The following KCNQ1 variants were observed in gnomAD, a reference collection of about 807,000 sequenced individuals.
The protein encoded by KCNQ1 is potassium voltage-gated channel subfamily Q member 1.
Under a neutral mutation model 72.4 loss-of-function variants are expected in KCNQ1, and 49 were observed. That is an observed-to-expected ratio of 0.68 (90% CI 0.54 to 0.86). KCNQ1 has a LOEUF of 0.86. KCNQ1 is among the 40% of genes least tolerant of loss of function. The probability of loss-of-function intolerance (pLI) is 0.00; values close to 1 mark genes in which losing one functional copy is unlikely to be tolerated. For synonymous variants in KCNQ1, 450 were observed against 412.6 expected, an observed-to-expected ratio of 1.09 and a Z score of -1.10; for missense variants, 790 against 945.1, an observed-to-expected ratio of 0.84 and a Z score of 2.15.
rs2133811956 is a variant in KCNQ1 at position 2,627,658 on chromosome 11, T to C, written c.1394-34303T>C. ...TGCTTTTTAAAGGATGAATATTTCATTGTGTGTGTGTATATATGTGTGTGT... is the reference window on the plus strand; with the variant it reads ...TGCTTTTTAAAGGATGAATATTTCACTGTGTGTGTGTATATATGTGTGTGT... On this transcript the variant is annotated intron_variant, in intron 10 of 15. Coordinates refer to ENST00000155840, the MANE Select transcript of KCNQ1 (RefSeq NM_000218.3). This position sits in a 1 kb window ranked among gnomAD's most constrained non-coding sequence, Gnocchi z 4.9. 1 of 398,488 alleles carries C rather than the reference T, an allele frequency of 2.5e-6. No homozygotes were observed. 24.7% of individuals were successfully genotyped at this position (398,488 alleles called of 1,614,324 possible).
chr11:2,738,216 T>TG (rs140908874), intron 11 of KCNQ1, among the ~76,000 whole-genome samples: 219 of 107,962 alleles, frequency 2.0e-3, no homozygotes, highest in African/African-American at 7.7e-3. Context: ...CTGTGGAGTG[T>TG]GGGGGCACAG....
Position 2,481,707 on chromosome 11 carries a change from A to G in KCNQ1, c.386+36223A>G, listed in dbSNP as rs548704236. ...AGGGGTGTGTACCCTGTTGCAAACTATGCATGTGAGGGATCTAGGTTGCCT... is the reference window on the plus strand; with the variant it reads ...AGGGGTGTGTACCCTGTTGCAAACTGTGCATGTGAGGGATCTAGGTTGCCT... On this transcript the variant is annotated intron_variant, in intron 1 of 15. Transcript: ENST00000155840. The surrounding 1 kb of genome is among the most constrained non-coding windows in gnomAD (Gnocchi z 4.6). 6.6e-6 allele frequency among the ~76,000 whole-genome samples: 1 copy of G among 152,230 alleles called. No homozygotes were observed. Among genetic ancestry groups the G allele is most frequent in the Non-Finnish European group, 1.5e-5 (1 of 68,050 alleles).
At chr11:2,606,376 G>A (rs910190921) in intron 10 of KCNQ1, among the ~76,000 whole-genome samples, 7 of 152,128 alleles carry the variant, frequency 4.6e-5, no homozygotes, top group Non-Finnish European at 1.0e-4. Context: ...CTGGTGGGGG[G>A]TGTCTGGATC....
In KCNQ1 at chr11:2,748,912, G is replaced by T. The variant is rs537850333; in HGVS notation, c.1515-19932G>T. ...CAGAGTGCCCTCTTCCCCTCTTTGCGGTTGTCACCCTGTCCTTGAGTCTAA... is the reference window on the plus strand; with the variant it reads ...CAGAGTGCCCTCTTCCCCTCTTTGCTGTTGTCACCCTGTCCTTGAGTCTAA... On this transcript the variant is annotated intron_variant, in intron 11 of 15. Coordinates refer to ENST00000155840, the MANE Select transcript of KCNQ1 (RefSeq NM_000218.3). This position sits in a 1 kb window ranked among gnomAD's most constrained non-coding sequence, Gnocchi z 6.2. 6.6e-5 allele frequency among the ~76,000 whole-genome samples: 10 copies of T among 152,344 alleles called. No individual in the cohort carries two copies. The East Asian group carries it at 1.7e-3, about 26-fold the overall frequency.
intron 11 of KCNQ1, among the ~76,000 whole-genome samples, chr11:2,701,541 G>T (rs1850815353): frequency 6.6e-6 from 1 of 152,212 alleles, no homozygotes; most frequent in African/African-American, 2.4e-5. Flanking sequence ...GTGCACCCCA[G>T]ACTCAGGGTT....
chr11:2,809,541 G>C lies in KCNQ1; in HGVS notation c.1794+31504G>C, dbSNP rs760973717. On this transcript the variant is annotated intron_variant, in intron 15 of 15. Transcript: ENST00000155840. The surrounding 1 kb of genome is among the most constrained non-coding windows in gnomAD (Gnocchi z 7.1). ...GGTGCTGTGTATGAAGGTGGCAACA[G>C]ACTCCCCATAGTCCTCTCACCACAG... Among the ~76,000 whole-genome samples, 8 of 152,128 alleles carry C rather than the reference G, an allele frequency of 5.3e-5. No individual in the cohort carries two copies. The highest frequency in any genetic ancestry group is 1.3e-4 in the Admixed American group (2 of 15,286).
In KCNQ1 at chr11:2,620,197, A is replaced by G. The variant is rs1429151815; in HGVS notation, c.1393+31343A>G. 1 of 331,378 alleles carries G rather than the reference A, an allele frequency of 3.0e-6. No individual in the cohort carries two copies. The highest frequency in any genetic ancestry group is 5.1e-6 in the Non-Finnish European group (1 of 196,848). The allele number at this position is 331,378 out of a possible 1,614,324, so 20.5% of individuals were successfully genotyped here. A position where few individuals can be genotyped will look rare whatever the true frequency, so the allele number is the denominator to read the frequency against. Reference sequence around the variant, plus strand: ...TGCTGCAAAGGACGTAAGTTCATTCATGTATATATATATATTTTTTTTTTT... The same window carrying G: ...TGCTGCAAAGGACGTAAGTTCATTCGTGTATATATATATATTTTTTTTTTT... On this transcript the variant is annotated intron_variant, in intron 10 of 15. Coordinates refer to ENST00000155840, the MANE Select transcript of KCNQ1 (RefSeq NM_000218.3). This position sits in a 1 kb window ranked among gnomAD's most constrained non-coding sequence, Gnocchi z 4.5.
chr11:2,611,551 A>G lies in KCNQ1; in HGVS notation c.1393+22697A>G. 2 of 398,392 alleles carry G rather than the reference A, an allele frequency of 5.0e-6. No individual in the cohort carries two copies. The highest frequency in any genetic ancestry group is 8.8e-6 in the Non-Finnish European group (2 of 226,030). 24.7% of individuals were successfully genotyped at this position (398,392 alleles called of 1,614,324 possible). A position where few individuals can be genotyped will look rare whatever the true frequency, so the allele number is the denominator to read the frequency against. ...TTAGTACAGTCACTCTAGCTTTCTTATTACTGTTTGCATGTCATCTTTTTC... is the reference window on the plus strand; with the variant it reads ...TTAGTACAGTCACTCTAGCTTTCTTGTTACTGTTTGCATGTCATCTTTTTC... On this transcript the variant is annotated intron_variant, in intron 10 of 15. Coordinates refer to ENST00000155840, the MANE Select transcript of KCNQ1 (RefSeq NM_000218.3). This position sits in a 1 kb window ranked among gnomAD's most constrained non-coding sequence, Gnocchi z 5.3.
intron 11 of KCNQ1, chr11:2,686,022 T>C: frequency 2.5e-6 from 1 of 399,114 alleles, no homozygotes; most frequent in Admixed American, 4.4e-5. Context: ...GGGCTCACTC[T>C]AAGCCCCGCC....
intron 15 of KCNQ1, among the ~76,000 whole-genome samples, chr11:2,843,028 G>A (rs533257296): frequency 1.3e-5 from 2 of 152,368 alleles, no homozygotes; most frequent in East Asian, 1.9e-4. Context: ...GCACGCTCCC[G>A]TGAGGAGGTG....
At chr11:2,571,521 A>C in intron 4 of KCNQ1, 118 bp downstream of exon 4, 1 of 828,962 alleles carries the variant, frequency 1.2e-6, no homozygotes, top group Non-Finnish European at 2.0e-6. Context: ...CTTGGTGCCC[A>C]CTGCCCCCGG....
chr11:2,624,222 G>C lies in KCNQ1; in HGVS notation c.1393+35368G>C. ...AGTTGCCATCTGTATATCTTCATTG[G>C]TGAGATGTCTGTTAAGGTCTTCAGT... On this transcript the variant is annotated intron_variant, in intron 10 of 15. Transcript: ENST00000155840. The surrounding 1 kb of genome is among the most constrained non-coding windows in gnomAD (Gnocchi z 4.9). 2.5e-6 allele frequency: 1 copy of C among 398,508 alleles called. No homozygotes were observed. Among genetic ancestry groups the C allele is most frequent in the Non-Finnish European group, 4.4e-6 (1 of 226,050 alleles). The allele number at this position is 398,508 out of a possible 1,614,324, so 24.7% of individuals were successfully genotyped here.
At chr11:2,568,034 C>T (rs1239612889) in intron 2 of KCNQ1, among the ~76,000 whole-genome samples, 3 of 151,992 alleles carry the variant, frequency 2.0e-5, no homozygotes, top group South Asian at 2.1e-4. Flanking sequence ...TTTGGGAGGC[C>T]GAAGCAGGCA....
In KCNQ1 at chr11:2,463,865, C is replaced by T. The variant is rs140508841; in HGVS notation, c.386+18381C>T. ...CTGTAGGTGCTTGTGTAGATGCCCC[C>T]GTGCGGGGACTTGTTTGGCTGATGG... is the stretch of plus-strand genomic sequence containing the variant. On this transcript the variant is annotated intron_variant, in intron 1 of 15. Transcript: ENST00000155840. The surrounding 1 kb of genome is among the most constrained non-coding windows in gnomAD (Gnocchi z 7.0). Among the ~76,000 whole-genome samples, 984 of 151,922 alleles carry T rather than the reference C, an allele frequency of 6.5e-3. 17 individuals carry two copies. Among genetic ancestry groups the T allele is most frequent in the African/African-American group, 0.023 (948 of 41,390 alleles).
Position 2,663,733 on chromosome 11 carries a change from A to C in KCNQ1, c.1514+1652A>C. 2.5e-6 allele frequency: 1 copy of C among 398,706 alleles called. No individual in the cohort carries two copies. Among genetic ancestry groups the C allele is most frequent in the East Asian group, 3.6e-5 (1 of 28,076 alleles). 24.7% of individuals were successfully genotyped at this position (398,706 alleles called of 1,614,324 possible). On this transcript the variant is annotated intron_variant, in intron 11 of 15. Coordinates refer to ENST00000155840, the MANE Select transcript of KCNQ1 (RefSeq NM_000218.3). This position sits in a 1 kb window ranked among gnomAD's most constrained non-coding sequence, Gnocchi z 5.2. ...GGTCTTGCAAGGCCCCTGCAGGTGA[A>C]GGTGGTGAGAGACCAGGCACTTATG...
At chr11:2,798,938 A>C (rs1847201128) in intron 15 of KCNQ1, among the ~76,000 whole-genome samples, 1 of 152,176 alleles carries the variant, frequency 6.6e-6, no homozygotes. Flanking sequence ...GAGGAAGAAG[A>C]GGAAGGAGAG....
intron 1 of KCNQ1, among the ~76,000 whole-genome samples, chr11:2,460,412 G>A (rs1846258992): frequency 6.6e-6 from 1 of 152,186 alleles, no homozygotes; most frequent in Non-Finnish European, 1.5e-5. Context: ...GTGGCCCTGC[G>A]GGTACAGGTA....
chr11:2,445,308 C>T lies in KCNQ1; in HGVS notation c.210C>T (p.Pro70=), dbSNP rs778377930. The part of the protein sequence containing the change: ...GPAPPASPAA[P]AAPPVASDLG... Reference sequence around the variant, plus strand: ...CGCCCCCTGCGTCCCCGGCCGCGCCCGCCGCGCCCCCAGTTGCCTCCGACC... The same window carrying T: ...CGCCCCCTGCGTCCCCGGCCGCGCCTGCCGCGCCCCCAGTTGCCTCCGACC... The change falls in exon 1 of 16, where the codon CCC becomes CCT. Residue 70 remains proline (P), a synonymous_variant. Transcript: ENST00000155840. 8.9e-6 allele frequency: 13 copies of T among 1,454,406 alleles called. No individual in the cohort carries two copies. Among genetic ancestry groups the T allele is most frequent in the Non-Finnish European group, 1.2e-5 (13 of 1,108,500 alleles). The allele number at this position is 1,454,406 out of a possible 1,614,324, so 90.1% of individuals were successfully genotyped here. A position where few individuals can be genotyped will look rare whatever the true frequency, so the allele number is the denominator to read the frequency against.
At chr11:2,822,344 G>A (rs912012689) in intron 15 of KCNQ1, among the ~76,000 whole-genome samples, 4 of 152,222 alleles carry the variant, frequency 2.6e-5, no homozygotes, top group Non-Finnish European at 4.4e-5. Flanking sequence ...CACAGCGCCA[G>A]GCCCTGGGGT....
Sources: gnomAD v4.1 joint callset for allele counts (sites outside exome capture counted in the v4.1 genomes callset) on GRCh38, gnomAD v4.1.1 for gene constraint, Gnocchi (gnomAD v3.1) non-coding constraint, MANE v1.5 for transcripts, NCBI Gene and HGNC (gene_info 2026-07-23, HGNC 2026-07-21) for gene names.